The following SLC30A8 variants were observed in gnomAD, a reference collection of about 807,000 sequenced individuals.
SLC30A8 encodes solute carrier family 30 member 8, also known as proton-coupled zinc antiporter SLC30A8.
In SLC30A8, 27 loss-of-function variants were observed where a neutral mutation model predicts 36.9. The ratio of observed to expected loss-of-function variants is 0.73; its 90% CI spans 0.54 to 1.01. The LOEUF (loss-of-function observed/expected upper bound fraction) is 1.01, where lower values mean the gene tolerates loss of function less well. Ranked by LOEUF, SLC30A8 falls within the 50% of genes least tolerant of loss-of-function variation. The pLI is 0.00. For synonymous variants in SLC30A8, 164 were observed against 172.4 expected, an observed-to-expected ratio of 0.95 and a Z score of 0.38; for missense variants, 439 against 452.0, an observed-to-expected ratio of 0.97 and a Z score of 0.26.
intron 1 of SLC30A8, among the ~76,000 whole-genome samples, chr8:116,964,423 A>G (rs1586333499): frequency 2.0e-5 from 3 of 152,206 alleles, no homozygotes; most frequent in Admixed American, 2.0e-4. Flanking sequence ...AACCAAGTGA[A>G]AAACAAATTT....
intron 1 of SLC30A8, among the ~76,000 whole-genome samples, chr8:117,025,244 T>A (rs1201685097): frequency 6.6e-6 from 1 of 152,188 alleles, no homozygotes; most frequent in Non-Finnish European, 1.5e-5. Context: ...TAGGTTTGGT[T>A]GAAAATGGGA....
rs922440289 is a variant in SLC30A8 at position 117,018,185 on chromosome 8, T to C, written c.-265-21034T>C. 2.0e-5 allele frequency: 3 copies of C among 152,238 alleles called. No individual in the cohort carries two copies. In the East Asian group the frequency reaches 5.8e-4, roughly 29 times the overall value. 9.4% of individuals were successfully genotyped at this position (152,238 alleles called of 1,614,324 possible). A position where few individuals can be genotyped will look rare whatever the true frequency, so the allele number is the denominator to read the frequency against. ...TCAAAACTCCTATACTGAACAGCAG[T>C]GGAGTTGCACCTGTGTATAGCCACT... On this transcript the variant is annotated intron_variant, in intron 1 of 10. Transcript: ENST00000427715.
At chr8:116,976,369 C>T (rs1023424787) in intron 1 of SLC30A8, among the ~76,000 whole-genome samples, 2 of 151,764 alleles carry the variant, frequency 1.3e-5, no homozygotes, top group African/African-American at 4.8e-5. Context: ...TCCTACAAGC[C>T]GATGTAAGCC....
chr8:117,162,935 T>G (rs112381210), intron 5 of SLC30A8, among the ~76,000 whole-genome samples: 33 of 152,350 alleles, frequency 2.2e-4, no homozygotes, highest in African/African-American at 7.7e-4. Flanking sequence ...TGTGCAATAC[T>G]TGAGAGGCAA....
chr8:117,023,315 A>T (rs1211897545), intron 1 of SLC30A8, among the ~76,000 whole-genome samples: 1 of 152,182 alleles, frequency 6.6e-6, no homozygotes, highest in African/African-American at 2.4e-5. Context: ...CAGTGTGGCG[A>T]TTCCTCAGGG....
At chr8:117,119,241 C>T (rs528306320) in intron 2 of SLC30A8, among the ~76,000 whole-genome samples, 1 of 152,012 alleles carries the variant, frequency 6.6e-6, no homozygotes, top group South Asian at 2.1e-4. Flanking sequence ...CAAAGCAACT[C>T]CCAGCTTTGG....
chr8:116,953,463 A>G (rs1814072005), intron 1 of SLC30A8, among the ~76,000 whole-genome samples: 1 of 152,150 alleles, frequency 6.6e-6, no homozygotes, highest in Admixed American at 6.5e-5. Flanking sequence ...CTTCTTGTAT[A>G]AATTTTCATT....
At chr8:116,963,328 A>G (rs1442073003) in intron 1 of SLC30A8, among the ~76,000 whole-genome samples, 2 of 152,160 alleles carry the variant, frequency 1.3e-5, no homozygotes, top group African/African-American at 4.8e-5. Flanking sequence ...ATAATTGACC[A>G]TTAGTGACAC....
intron 1 of SLC30A8, among the ~76,000 whole-genome samples, chr8:117,007,574 T>C (rs1345376250): frequency 6.6e-6 from 1 of 152,224 alleles, no homozygotes. Flanking sequence ...GAGCACAATC[T>C]CATGTTAAGT....
At chr8:117,056,587 C>A (rs763167979) in intron 2 of SLC30A8, among the ~76,000 whole-genome samples, 2 of 151,992 alleles carry the variant, frequency 1.3e-5, no homozygotes, top group Non-Finnish European at 2.9e-5. Context: ...GAACTGCAGT[C>A]CCAGGATGAG....
At chr8:116,951,065 C>A (rs1222173519) in exon 1 of SLC30A8, 1 of 152,200 alleles carries the variant, frequency 6.6e-6, no homozygotes, top group Non-Finnish European at 1.5e-5. Flanking sequence ...GGAGGGAATG[C>A]AGTGTTGGGA....
At chr8:116,978,454 G>T (rs1399323293) in intron 1 of SLC30A8, among the ~76,000 whole-genome samples, 1 of 68,568 alleles carries the variant, frequency 1.5e-5, no homozygotes, top group Non-Finnish European at 3.0e-5. Context: ...GATGCTTGAT[G>T]CTTTATATAG....
intron 1 of SLC30A8, among the ~76,000 whole-genome samples, chr8:117,005,512 G>A (rs981098409): frequency 1.3e-5 from 2 of 152,130 alleles, no homozygotes; most frequent in African/African-American, 4.8e-5. Context: ...CTTGGCTATT[G>A]TGAATAGTGC....
At chr8:117,138,382 G>A (rs1026173660) in intron 1 of SLC30A8, among the ~76,000 whole-genome samples, 6 of 152,104 alleles carry the variant, frequency 3.9e-5, no homozygotes, top group Non-Finnish European at 5.9e-5. Flanking sequence ...AGAAGTGAGC[G>A]TCTATGGCAT....
intron 1 of SLC30A8, among the ~76,000 whole-genome samples, chr8:117,140,046 T>A (rs1821578340): frequency 6.6e-6 from 1 of 151,976 alleles, no homozygotes; most frequent in Non-Finnish European, 1.5e-5. Context: ...AATTATTTTT[T>A]AAAAAAGAAC....
intron 1 of SLC30A8, among the ~76,000 whole-genome samples, chr8:117,013,471 C>G (rs558924127): frequency 1.3e-5 from 2 of 152,218 alleles, no homozygotes; most frequent in East Asian, 3.9e-4. Flanking sequence ...TGAGCAGCAC[C>G]TAGCATTGCT....
intron 2 of SLC30A8, among the ~76,000 whole-genome samples, chr8:117,123,248 AT>A (rs1820758774): frequency 6.6e-6 from 1 of 151,920 alleles, no homozygotes; most frequent in South Asian, 2.1e-4. Context: ...AAACCTTCTC[AT>A]TTATTCAGAT....
chr8:116,996,323 C>T (rs913132030), intron 1 of SLC30A8, among the ~76,000 whole-genome samples: 1 of 152,094 alleles, frequency 6.6e-6, no homozygotes, highest in African/African-American at 2.4e-5. Context: ...GTCAGGAGCA[C>T]TTTGAAAATA....
intron 1 of SLC30A8, among the ~76,000 whole-genome samples, chr8:117,025,682 C>A (rs985860816): frequency 2.0e-5 from 3 of 152,128 alleles, no homozygotes; most frequent in African/African-American, 7.2e-5. Context: ...ATCTCTAGGG[C>A]AGAAAATCTG....
Sources: allele counts gnomAD v4.1 joint callset (sites outside exome capture counted in the v4.1 genomes callset), GRCh38; gene constraint gnomAD v4.1.1; transcripts MANE v1.5; gene names NCBI Gene and HGNC (gene_info 2026-07-23, HGNC 2026-07-21).